Variants in SLC1A6 observed in about 807,000 individuals in gnomAD.
SLC1A6 encodes the protein solute carrier family 1 member 6.
In SLC1A6, 15 loss-of-function variants were observed where a neutral mutation model predicts 42.1. The observed-to-expected ratio is 0.36, with a 90% CI of 0.24 to 0.55. SLC1A6 has a LOEUF of 0.55. Ranked by LOEUF, SLC1A6 falls within the 20% of genes least tolerant of loss-of-function variation. The pLI, the probability that SLC1A6 is intolerant of heterozygous loss-of-function variation, is 0.88. For missense variants in SLC1A6, 542 were observed against 772.5 expected, an observed-to-expected ratio of 0.70 and a Z score of 3.54; for synonymous variants, 317 against 319.7, an observed-to-expected ratio of 0.99 and a Z score of 0.09.
At chr19:14,998,031 T>C (rs1009409684) in intron 1 of SLC1A6, among the ~76,000 whole-genome samples, 1 of 149,918 alleles carries the variant, frequency 6.7e-6, no homozygotes, top group Non-Finnish European at 1.5e-5. Context: ...GTATGCACTA[T>C]GGAATGAATA....
chr19:14,986,645 C>T (rs2045794317), intron 1 of SLC1A6, among the ~76,000 whole-genome samples: 1 of 149,832 alleles, frequency 6.7e-6, no homozygotes, highest in South Asian at 2.1e-4. Context: ...GGCTGGAGTG[C>T]AGTGGTGCAA....
chr19:14,991,086 A>C (rs1339652993), intron 1 of SLC1A6, among the ~76,000 whole-genome samples: 2 of 152,206 alleles, frequency 1.3e-5, no homozygotes, highest in African/African-American at 4.8e-5. Context: ...AAAAAACATA[A>C]TGCTGAGTGA....
At chr19:14,982,094 G>A (rs2045771226), upstream of SLC1A6, among the ~76,000 whole-genome samples, 1 of 151,494 alleles carries the variant, frequency 6.6e-6, no homozygotes, top group Non-Finnish European at 1.5e-5. Context: ...GAGAAAACAA[G>A]GAATGTCTGA....
chr19:14,966,754 T>C (rs80237701), intron 4 of SLC1A6, among the ~76,000 whole-genome samples: 25 of 151,840 alleles, frequency 1.6e-4, no homozygotes, highest in African/African-American at 5.8e-4. Flanking sequence ...GAAGCCATCA[T>C]TCTCAGCAAA....
At chr19:14,977,880 A>G (rs1244878477) in intron 1 of SLC1A6, 2 of 152,240 alleles carry the variant, frequency 1.3e-5, no homozygotes, top group Non-Finnish European at 2.9e-5. Flanking sequence ...AATTAAGAAT[A>G]GAGTAAAATG....
chr19:14,956,351 C>G (rs144041405), intron 7 of SLC1A6, 125 bp downstream of exon 7: 13 of 614,018 alleles, frequency 2.1e-5, no homozygotes, highest in African/African-American at 1.9e-4. Flanking sequence ...ATTATGAGCC[C>G]TGGACATTGT....
intron 1 of SLC1A6, 159 bp from the exon 2 acceptor site, chr19:14,973,076 T>C (rs996558243): frequency 1.3e-5 from 8 of 602,928 alleles, no homozygotes; most frequent in Non-Finnish European, 2.0e-5. Context: ...CCCAGCACTT[T>C]GGGAGGCAGA....
At chr19:15,006,832 G>C (rs2045898285) in intron 1 of SLC1A6, among the ~76,000 whole-genome samples, 1 of 152,134 alleles carries the variant, frequency 6.6e-6, no homozygotes, top group Non-Finnish European at 1.5e-5. Flanking sequence ...CATGCCCGTA[G>C]TCCTAGATAC....
rs2045465803 is a variant in SLC1A6, at chr19:14,956,623, A to C, written c.1022T>G (p.Met341Arg). Residue 341 changes from methionine (M) to arginine (R), a missense_variant, in exon 7 of 10, where the codon ATG becomes AGG. Transcript: ENST00000594383. ...GCCCACGATGACGGTCAGGGTGTAC[A>C]TGCCCAGCTGACCCCCCAGGACGGC... Reference protein sequence around the residue: ...DMAVLGGQLGMYTLTVIVGLF... With the variant: ...DMAVLGGQLGRYTLTVIVGLF... 6.2e-7 allele frequency: 1 copy of C among 1,613,806 alleles called. No homozygotes were observed.
At position 14,972,733 on chromosome 19, in the gene SLC1A6, G is replaced by T; in HGVS notation, c.178C>A (p.Leu60Met). 4 of 1,614,070 alleles carry T rather than the reference G, an allele frequency of 2.5e-6. No individual in the cohort carries two copies. Among genetic ancestry groups the T allele is most frequent in the Non-Finnish European group, 3.4e-6 (4 of 1,180,038 alleles). The part of the protein sequence containing the change: ...LRFLRRNAFI[L>M]LTVSAVVIGV... ...ATGACCACGGCGCTGACCGTCAGCA[G>T]AATGAAGGCGTTTCGGCGCAGGAAG... The change falls in exon 2 of 10, where the codon CTG (leucine) becomes ATG (methionine). Residue 60 changes from leucine (L) to methionine (M), a missense_variant. Coordinates refer to ENST00000594383, the MANE Select transcript of SLC1A6 (RefSeq NM_005071.3).
At chr19:14,970,658 C>T (rs1027457969) in intron 3 of SLC1A6, among the ~76,000 whole-genome samples, 77 of 151,660 alleles carry the variant, frequency 5.1e-4, no homozygotes, top group African/African-American at 1.8e-3. Context: ...TTGCAGTGAG[C>T]GGAGATTGTG....
rs1049606001 is a variant in SLC1A6, at chr19:14,979,532, G to T, written c.-231C>A. The T allele has an allele frequency of 2.0e-5, 3 of 151,098 alleles. No individual in the cohort carries two copies. The highest frequency in any genetic ancestry group is 1.5e-5 in the Non-Finnish European group (1 of 67,710). The allele number at this position is 151,098 out of a possible 1,614,324, so 9.4% of individuals were successfully genotyped here. On this transcript the variant is annotated 5_prime_UTR_variant, in exon 1 of 10. Transcript: ENST00000594383. This position sits in a 1 kb window ranked among gnomAD's most constrained non-coding sequence, Gnocchi z 4.2. ...ACTCACCGGCGTCCGGAGCGGCGGG[G>T]GCGGCCTGCCCGCGCCTCGGCCTGC...
chr19:14,993,259 TTAG>T (rs1379475376), intron 1 of SLC1A6, among the ~76,000 whole-genome samples: 1 of 151,892 alleles, frequency 6.6e-6, no homozygotes, highest in Non-Finnish European at 1.5e-5. Flanking sequence ...AGACATCCAA[TTAG>T]TGGTTGCCCA....
chr19:14,975,115 ATAG>A (rs971913105), intron 1 of SLC1A6: 14 of 152,168 alleles, frequency 9.2e-5, no homozygotes, highest in African/African-American at 3.1e-4. Flanking sequence ...CATCAGGGAA[ATAG>A]TAGAATTGTA....
At chr19:15,008,304 C>A (rs892145534) in intron 1 of SLC1A6, among the ~76,000 whole-genome samples, 1 of 151,988 alleles carries the variant, frequency 6.6e-6, no homozygotes, top group African/African-American at 2.4e-5. Flanking sequence ...ATGATCCCCC[C>A]ACTGCACTCC....
At chr19:15,001,806 C>T (rs1338992814) in intron 1 of SLC1A6, among the ~76,000 whole-genome samples, 1 of 152,010 alleles carries the variant, frequency 6.6e-6, no homozygotes, top group East Asian at 1.9e-4. Flanking sequence ...GAACCACAGG[C>T]ACACACCATA....
chr19:14,962,550 A>C (rs1432695479), intron 5 of SLC1A6, among the ~76,000 whole-genome samples: 1 of 152,212 alleles, frequency 6.6e-6, no homozygotes, highest in African/African-American at 2.4e-5. Context: ...TGCATGGAAG[A>C]ATGAGCGAAT....
intron 1 of SLC1A6, among the ~76,000 whole-genome samples, chr19:15,004,911 C>T (rs1000601874): frequency 6.6e-6 from 1 of 152,092 alleles, no homozygotes; most frequent in Admixed American, 6.5e-5. Flanking sequence ...TTCAGACACA[C>T]GCAGGTGAAT....
intron 1 of SLC1A6, among the ~76,000 whole-genome samples, chr19:14,988,301 C>A (rs1452473265): frequency 6.6e-6 from 1 of 152,204 alleles, no homozygotes; most frequent in African/African-American, 2.4e-5. Context: ...GTTTTATGGT[C>A]TGCTCTTTCT....
Sources: allele counts gnomAD v4.1 joint callset (sites outside exome capture counted in the v4.1 genomes callset), GRCh38; gene constraint gnomAD v4.1.1; non-coding constraint Gnocchi (gnomAD v3.1); transcripts MANE v1.5; gene names NCBI Gene and HGNC (gene_info 2026-07-23, HGNC 2026-07-21).